CERS4: variants seen among roughly 807,000 people sequenced by gnomAD.
CERS4 encodes the protein LAG1 homolog, ceramide synthase 4.
In CERS4, 65 loss-of-function variants were observed where a neutral mutation model predicts 51.8. That is an observed-to-expected ratio of 1.26 (90% confidence interval 1.03 to 1.54). The LOEUF is 1.54. CERS4 is among the 40% of genes most tolerant of loss of function. The pLI, the probability that CERS4 is intolerant of heterozygous loss-of-function variation, is 0.00. For missense variants in CERS4, 563 were observed against 500.4 expected (o/e 1.13, Z -1.19); for synonymous variants, 228 against 208.4 (o/e 1.09, Z -0.81).
intron 2 of CERS4, among the ~76,000 whole-genome samples, chr19:8,226,564 C>A (rs555816935): frequency 9.9e-5 from 15 of 152,180 alleles, no homozygotes; most frequent in Non-Finnish European, 1.9e-4. Flanking sequence ...ATTATCTCCA[C>A]CCTGGAAGGT....
chr19:8,251,389 G>T (rs982451557), intron 3 of CERS4, 140 bp downstream of exon 3: 39 of 1,373,450 alleles, frequency 2.8e-5, no homozygotes, highest in Non-Finnish European at 3.3e-5. Flanking sequence ...GCTCCAGCCT[G>T]CCCCCAGCCG....
At chr19:8,254,783 AC>A (rs142718866) in intron 4 of CERS4, among the ~76,000 whole-genome samples, 167 bp downstream of exon 4, 1 of 151,056 alleles carries the variant, frequency 6.6e-6, no homozygotes, top group Admixed American at 6.6e-5. Context: ...AAAGGGCTCT[AC>A]CCCCCAGCCT....
At chr19:8,237,768 G>A (rs369085071) in intron 2 of CERS4, among the ~76,000 whole-genome samples, 1,559 of 151,668 alleles carry the variant, frequency 0.01, 35 homozygotes, top group African/African-American at 0.036. Flanking sequence ...GGAGAATGGC[G>A]TGAACCCGGG....
At chr19:8,216,392 A>G (rs929944175) in intron 2 of CERS4, among the ~76,000 whole-genome samples, 2 of 151,694 alleles carry the variant, frequency 1.3e-5, no homozygotes, top group Non-Finnish European at 2.9e-5. Context: ...AAAAAAAAAA[A>G]AAAGAAAATT....
At chr19:8,250,038 G>C (rs1968996163) in intron 2 of CERS4, among the ~76,000 whole-genome samples, 1 of 152,004 alleles carries the variant, frequency 6.6e-6, no homozygotes, top group South Asian at 2.1e-4. Context: ...GCAGTGGCAT[G>C]ATCTCGGCTC....
chr19:8,222,706 C>T (rs1967615953), intron 2 of CERS4, among the ~76,000 whole-genome samples: 2 of 151,816 alleles, frequency 1.3e-5, no homozygotes, highest in Admixed American at 6.6e-5. Context: ...CCATGTTGGT[C>T]AGGCGGATCT....
chr19:8,254,571 C>T lies in CERS4; in HGVS notation c.246C>T (p.Ala82=), dbSNP rs11881630. The part of the protein sequence containing the change: ...DQTRRQVKPN[A]TLEKHFLTEG... ...CCAGGAGGCAAGTGAAGCCCAACGC[C>T]ACGCTGGAGAAACACTTCCTCACGG... Residue 82 remains alanine, a synonymous_variant, in exon 4 of 12, where the codon GCC becomes GCT. Transcript: ENST00000251363. The T allele has an allele frequency of 0.033, 53,660 of 1,613,086 alleles. 2,362 individuals are homozygous for T. Among genetic ancestry groups the T allele is most frequent in the African/African-American group, 0.18 (13,491 of 74,986 alleles).
At chr19:8,237,711 C>T (rs1018498474) in intron 2 of CERS4, among the ~76,000 whole-genome samples, 12 of 151,888 alleles carry the variant, frequency 7.9e-5, no homozygotes, top group Admixed American at 5.3e-4. Flanking sequence ...ATTAGCCGGG[C>T]GTGGTGGTGG....
chr19:8,259,552 C>T (rs1969569533), intron 10 of CERS4, among the ~76,000 whole-genome samples: 1 of 151,998 alleles, frequency 6.6e-6, no homozygotes, highest in South Asian at 2.1e-4. Flanking sequence ...GCAGGGGAAA[C>T]ATCATGGGAA....
chr19:8,245,514 CTG>C (rs1968740528), intron 2 of CERS4, among the ~76,000 whole-genome samples: 1 of 151,494 alleles, frequency 6.6e-6, no homozygotes, highest in Non-Finnish European at 1.5e-5. Flanking sequence ...CTCCTAAACA[CTG>C]GGGTTATGGT....
chr19:8,245,691 C>G (rs1968749114), intron 2 of CERS4, among the ~76,000 whole-genome samples: 1 of 151,732 alleles, frequency 6.6e-6, no homozygotes. Context: ...AGGTGCCCAC[C>G]ACCACCCCTG....
At chr19:8,226,287 C>T (rs938671586) in intron 2 of CERS4, among the ~76,000 whole-genome samples, 4 of 152,098 alleles carry the variant, frequency 2.6e-5, no homozygotes, top group Non-Finnish European at 4.4e-5. Flanking sequence ...CCTGGGTAAG[C>T]GTCTGATGGA....
At position 8,254,629 on chromosome 19, in the gene CERS4, C is replaced by T. The variant is rs138293037; in HGVS notation, c.291+13C>T. 2.8e-4 allele frequency: 448 copies of T among 1,595,428 alleles called. No individual in the cohort carries two copies. In the East Asian group the frequency reaches 4.5e-3, roughly 16 times the overall value. On this transcript the variant is annotated intron_variant, in intron 4 of 11. Coordinates refer to ENST00000251363, the MANE Select transcript of CERS4 (RefSeq NM_024552.3). ...CAGGCCCAAGGAGGTGAGAGCCCCC[C>T]ATGCCCTCCGACCCGCACTACTGCC...
At chr19:8,232,852 A>G (rs1004187371) in intron 2 of CERS4, among the ~76,000 whole-genome samples, 1 of 144,614 alleles carries the variant, frequency 6.9e-6, no homozygotes, top group African/African-American at 2.6e-5. Flanking sequence ...CCTAGAGAGT[A>G]GCTAGGACTA....
At chr19:8,250,719 T>G in intron 2 of CERS4, 1 of 676,032 alleles carries the variant, frequency 1.5e-6, no homozygotes, top group Non-Finnish European at 1.8e-6. Context: ...CCTTCTAAAG[T>G]GCTGGGATTA....
At chr19:8,258,734 C>T (rs1020999767) in intron 10 of CERS4, among the ~76,000 whole-genome samples, 1 of 151,870 alleles carries the variant, frequency 6.6e-6, no homozygotes, top group African/African-American at 2.4e-5. Context: ...CCCAGCTACT[C>T]GGGAGGCTGA....
chr19:8,259,230 C>T (rs781347356), intron 10 of CERS4, among the ~76,000 whole-genome samples: 79 of 152,196 alleles, frequency 5.2e-4, no homozygotes, highest in Admixed American at 6.5e-4. Context: ...GCGTTTGTAC[C>T]GAGAGATGGG....
chr19:8,251,043 G>C, intron 2 of CERS4, 33 bp from the exon 3 acceptor site: 1 of 1,544,242 alleles, frequency 6.5e-7, no homozygotes, highest in South Asian at 1.2e-5. Flanking sequence ...TCTGCTTGCA[G>C]ACCTCCCAGC....
intron 2 of CERS4, among the ~76,000 whole-genome samples, chr19:8,228,516 A>T (rs1341615374): frequency 6.6e-6 from 1 of 151,914 alleles, no homozygotes; most frequent in Non-Finnish European, 1.5e-5. Context: ...CTCTACTAAA[A>T]ATATAAAAAA....
Sources: allele counts gnomAD v4.1 joint callset (sites outside exome capture counted in the v4.1 genomes callset), GRCh38; gene constraint gnomAD v4.1.1; transcripts MANE v1.5; gene names NCBI Gene and HGNC (gene_info 2026-07-23, HGNC 2026-07-21).